Variants in SLC24A2 observed in about 807,000 individuals in gnomAD.
SLC24A2 encodes the protein sodium/potassium/calcium exchanger 2.
A neutral mutation model predicts 62.0 loss-of-function variants in SLC24A2; 36 were observed. The ratio of observed to expected loss-of-function variants is 0.58; its 90% CI spans 0.44 to 0.77. The LOEUF (loss-of-function observed/expected upper bound fraction) is 0.77, where lower values mean the gene tolerates loss of function less well. Among genes scored for constraint, SLC24A2 ranks in the 30% least tolerant of loss-of-function variants. The pLI is 0.00. For missense variants in SLC24A2, 846 were observed against 817.9 expected (o/e 1.03, Z -0.42); for synonymous variants, 358 against 294.0 (o/e 1.22, Z -2.23).
At chr9:19,776,294 C>A (rs1440774253) in intron 2 of SLC24A2, among the ~76,000 whole-genome samples, 2 of 152,182 alleles carry the variant, frequency 1.3e-5, no homozygotes, top group Non-Finnish European at 2.9e-5. Context: ...CAGACAGGCT[C>A]AAGTTCAAAC....
chr9:20,280,059 C>T, the SLC24A2 span, among the ~76,000 whole-genome samples: 73 of 152,282 alleles, frequency 4.8e-4, no homozygotes, highest in African/African-American at 1.4e-3. Flanking sequence ...TAGGCTATTG[C>T]CTATGGCAGA....
chr9:20,051,651 C>CTCTTTTTT, the SLC24A2 span, among the ~76,000 whole-genome samples: 24 of 63,640 alleles, frequency 3.8e-4, no homozygotes, highest in African/African-American at 1.6e-3. Flanking sequence ...GAGGTTTTTT[C>CTCTTTTTT]TTTCTCTTTT....
intron 2 of SLC24A2, among the ~76,000 whole-genome samples, chr9:19,650,822 AGT>A (rs61576823): frequency 0.43 from 63,998 of 148,970 alleles, 14,009 homozygotes; most frequent in East Asian, 0.71. Context: ...ATCAGCTTCT[AGT>A]GTGTGTGTGT....
the SLC24A2 span, among the ~76,000 whole-genome samples, chr9:20,019,158 AG>A: frequency 7.0e-6 from 1 of 143,412 alleles, no homozygotes; most frequent in African/African-American, 2.7e-5. Flanking sequence ...AGAAAGAAAG[AG>A]AGAGAGACAG....
chr9:20,090,405 G>T, the SLC24A2 span, among the ~76,000 whole-genome samples: 15 of 152,132 alleles, frequency 9.9e-5, no homozygotes, highest in Non-Finnish European at 1.5e-5. Context: ...GCGATCTACA[G>T]CCAGCACTCA....
chr9:20,047,736 C>T, the SLC24A2 span, among the ~76,000 whole-genome samples: 15 of 150,792 alleles, frequency 9.9e-5, no homozygotes, highest in Non-Finnish European at 2.2e-4. Context: ...ATCCCAACCA[C>T]GAGGGCCCTT....
chr9:20,245,693 A>T, the SLC24A2 span, among the ~76,000 whole-genome samples: 3 of 152,244 alleles, frequency 2.0e-5, no homozygotes, highest in Non-Finnish European at 4.4e-5. Flanking sequence ...GATGAACAAA[A>T]TGCAGGGAGC....
chr9:19,879,157 A>G, the SLC24A2 span, among the ~76,000 whole-genome samples: 24 of 152,248 alleles, frequency 1.6e-4, no homozygotes, highest in African/African-American at 5.5e-4. Context: ...TTACACAAGC[A>G]GTAGTAATAT....
chr9:20,095,150 T>C, the SLC24A2 span, among the ~76,000 whole-genome samples: 1 of 152,182 alleles, frequency 6.6e-6, no homozygotes, highest in Non-Finnish European at 1.5e-5. Flanking sequence ...TTTTGTTTTG[T>C]TTTGGAATAG....
the SLC24A2 span, among the ~76,000 whole-genome samples, chr9:20,219,057 G>T: frequency 6.6e-6 from 1 of 152,234 alleles, no homozygotes; most frequent in Non-Finnish European, 1.5e-5. Context: ...CTCTGTCATT[G>T]TATGTGAGGG....
At chr9:19,554,419 T>A (rs995142179) in intron 7 of SLC24A2, among the ~76,000 whole-genome samples, 3 of 152,236 alleles carry the variant, frequency 2.0e-5, no homozygotes, top group Admixed American at 6.5e-5. Flanking sequence ...ATATTTGTTA[T>A]ATGCAAATTC....
In SLC24A2 at chr9:19,551,145, C is replaced by T. The variant is rs188234970; in HGVS notation, c.1348-877G>A. Among the ~76,000 whole-genome samples the T allele has an allele frequency of 2.0e-3, 298 of 152,334 alleles. 3 individuals are homozygous for T. The highest frequency in any genetic ancestry group is 6.8e-3 in the African/African-American group (283 of 41,582). Reference sequence around the variant, plus strand: ...TTCTCCCTGTCACCCCCACACCCTTCTCAGGTTGTGAGTTGGTCACCTGCT... The same window carrying T: ...TTCTCCCTGTCACCCCCACACCCTTTTCAGGTTGTGAGTTGGTCACCTGCT... On this transcript the variant is annotated intron_variant, in intron 7 of 10. Coordinates refer to ENST00000341998, the MANE Select transcript of SLC24A2 (RefSeq NM_020344.4).
chr9:19,582,731 A>G (rs1443049292), intron 5 of SLC24A2, among the ~76,000 whole-genome samples: 1 of 152,078 alleles, frequency 6.6e-6, no homozygotes, highest in Admixed American at 6.6e-5. Context: ...CATAGACTTC[A>G]GTTAAGCCTT....
chr9:19,732,765 C>T (rs981063283), intron 2 of SLC24A2, among the ~76,000 whole-genome samples: 14 of 152,184 alleles, frequency 9.2e-5, no homozygotes, highest in Admixed American at 3.3e-4. Flanking sequence ...AACAGAGACA[C>T]TGGCTGCCAG....
intron 7 of SLC24A2, among the ~76,000 whole-genome samples, chr9:19,562,121 T>C (rs1237180000): frequency 2.0e-5 from 3 of 152,238 alleles, no homozygotes; most frequent in African/African-American, 7.2e-5. Context: ...TGGATGAGAC[T>C]GATTTCTTTC....
chr9:19,941,134 A>T, the SLC24A2 span, among the ~76,000 whole-genome samples: 345 of 152,262 alleles, frequency 2.3e-3, 7 homozygotes, highest in East Asian at 0.061. Flanking sequence ...TGGCCCTCTA[A>T]AAAAGAACAG....
intron 2 of SLC24A2, among the ~76,000 whole-genome samples, chr9:19,633,168 G>A (rs1818220895): frequency 6.6e-6 from 1 of 152,206 alleles, no homozygotes; most frequent in South Asian, 2.1e-4. Context: ...ATATTTCATG[G>A]TATGGATATA....
the SLC24A2 span, among the ~76,000 whole-genome samples, chr9:19,934,214 G>C: frequency 2.6e-5 from 4 of 152,202 alleles, no homozygotes; most frequent in Non-Finnish European, 5.9e-5. This position sits in a 1 kb window ranked among gnomAD's most constrained non-coding sequence, Gnocchi z 4.1. Context: ...CTGGCTCTCT[G>C]AGAGGTCTCT....
At chr9:20,141,819 C>T in the SLC24A2 span, among the ~76,000 whole-genome samples, 395 of 152,276 alleles carry the variant, frequency 2.6e-3, 1 homozygote, top group African/African-American at 9.3e-3. Flanking sequence ...CACGGTGGCT[C>T]ACGCCTGTAA....
Sources: allele counts gnomAD v4.1 joint callset (sites outside exome capture counted in the v4.1 genomes callset), GRCh38; gene constraint gnomAD v4.1.1; non-coding constraint Gnocchi (gnomAD v3.1); transcripts MANE v1.5; gene names NCBI Gene and HGNC (gene_info 2026-07-23, HGNC 2026-07-21).